AIG1: variants seen among roughly 807,000 people sequenced by gnomAD.
AIG1 encodes the protein androgen-induced gene 1 protein.
AIG1 carries 23 observed loss-of-function variants against 31.4 expected under a neutral mutation model. The observed-to-expected ratio is 0.73, with a 90% CI of 0.53 to 1.04. The LOEUF is 1.04. Among genes scored for constraint, AIG1 ranks in the 50% least tolerant of loss-of-function variants. AIG1 has a pLI of 0.00. For synonymous variants in AIG1, 100 were observed against 110.5 expected (o/e 0.90, Z 0.60); for missense variants, 274 against 295.0 (o/e 0.93, Z 0.52).
chr6:143,319,700 C>T (rs1355496701), intron 4 of AIG1, among the ~76,000 whole-genome samples: 1 of 151,816 alleles, frequency 6.6e-6, no homozygotes, highest in African/African-American at 2.4e-5. Context: ...TAAACAACAT[C>T]AACAAGCCCC....
At chr6:143,249,866 A>T (rs1794892633) in intron 3 of AIG1, among the ~76,000 whole-genome samples, 1 of 152,208 alleles carries the variant, frequency 6.6e-6, no homozygotes, top group Non-Finnish European at 1.5e-5. Flanking sequence ...TTGGGCATGT[A>T]GTGAATCAAG....
At chr6:143,121,643 A>G (rs1782252451) in intron 1 of AIG1, among the ~76,000 whole-genome samples, 2 of 152,198 alleles carry the variant, frequency 1.3e-5, no homozygotes, top group African/African-American at 4.8e-5. Flanking sequence ...TTCTCTGACA[A>G]CTGGTAGAAG....
chr6:143,121,295 A>G (rs1009448933), intron 1 of AIG1, among the ~76,000 whole-genome samples: 4 of 152,200 alleles, frequency 2.6e-5, no homozygotes, highest in Admixed American at 1.3e-4. Flanking sequence ...TTGTTTGCCC[A>G]GTATGTCTTC....
chr6:143,216,327 C>G (rs1285276044), intron 3 of AIG1, among the ~76,000 whole-genome samples: 2 of 152,092 alleles, frequency 1.3e-5, no homozygotes, highest in Admixed American at 6.5e-5. Flanking sequence ...TTGGAGGATT[C>G]CAGCAGAATA....
intron 3 of AIG1, among the ~76,000 whole-genome samples, chr6:143,191,543 T>C (rs1029928866): frequency 6.6e-6 from 1 of 152,186 alleles, no homozygotes; most frequent in Non-Finnish European, 1.5e-5. Context: ...CCATGAATCC[T>C]ATAAGCAGAA....
rs535593148 is a variant in AIG1, at chr6:143,175,717, A to C, written c.399+10534A>C. ...GATTTTTCCATTCATATCCTGTATC[A>C]ATTTTTGATTTCTTTTAAGTTGGAT... On this transcript the variant is annotated intron_variant, in intron 3 of 5. Coordinates refer to ENST00000357847, the MANE Select transcript of AIG1 (RefSeq NM_016108.4). 1.6e-3 allele frequency among the ~76,000 whole-genome samples: 240 copies of C among 152,028 alleles called. 1 individual carries two copies. Among genetic ancestry groups the C allele is most frequent in the South Asian group, 7.9e-3 (38 of 4,802 alleles).
At chr6:143,091,751 A>C (rs1480657650) in intron 1 of AIG1, among the ~76,000 whole-genome samples, 1 of 152,226 alleles carries the variant, frequency 6.6e-6, no homozygotes, top group East Asian at 1.9e-4. Context: ...TTTTAGTATG[A>C]GAGTACTAAA....
intron 1 of AIG1, among the ~76,000 whole-genome samples, chr6:143,082,489 A>T (rs560713164): frequency 4.5e-4 from 69 of 152,318 alleles, no homozygotes; most frequent in Non-Finnish European, 9.0e-4. Flanking sequence ...CTGGTCCTTC[A>T]AGTAATAGAG....
intron 3 of AIG1, among the ~76,000 whole-genome samples, chr6:143,246,326 C>T (rs1794621515): frequency 6.6e-6 from 1 of 151,888 alleles, no homozygotes; most frequent in Admixed American, 6.6e-5. Context: ...AGGAAGGCCT[C>T]ACAATCATCG....
rs907635555 is a variant in AIG1 at position 143,306,365 on chromosome 6, G to A, written c.515+22140G>A. On this transcript the variant is annotated intron_variant, in intron 4 of 5. Coordinates refer to ENST00000357847, the MANE Select transcript of AIG1 (RefSeq NM_016108.4). ...GCATGATTTTTCAGTGGCTGGTACT[G>A]GTTGTTCCTTTCCATGTTTAGTGCT... Among the ~76,000 whole-genome samples the A allele has an allele frequency of 3.9e-5, 6 of 152,240 alleles. No homozygotes were observed. The Middle Eastern group carries it at 0.01, about 259-fold the overall frequency.
intron 1 of AIG1, among the ~76,000 whole-genome samples, chr6:143,069,924 C>T (rs1057082312): frequency 1.3e-5 from 2 of 152,074 alleles, no homozygotes; most frequent in South Asian, 2.1e-4. Flanking sequence ...TTCCCTGCAC[C>T]GTGTCTTGAA....
intron 3 of AIG1, among the ~76,000 whole-genome samples, chr6:143,171,988 A>G (rs1343536596): frequency 6.6e-6 from 1 of 151,956 alleles, no homozygotes; most frequent in Non-Finnish European, 1.5e-5. Flanking sequence ...TCCTTTGAGA[A>G]TTGTCCATTC....
intron 1 of AIG1, among the ~76,000 whole-genome samples, chr6:143,136,113 T>G (rs960986955): frequency 4.6e-5 from 7 of 152,016 alleles, no homozygotes; most frequent in East Asian, 1.9e-4. Flanking sequence ...GTAGTTTTTT[T>G]GGGGGGGCGG....
chr6:143,318,088 A>G (rs752901959), intron 4 of AIG1, among the ~76,000 whole-genome samples: 21 of 152,286 alleles, frequency 1.4e-4, no homozygotes, highest in Admixed American at 3.3e-4. Flanking sequence ...CAATCTATAA[A>G]TTCAAGGCAA....
At position 143,176,853 on chromosome 6, in the gene AIG1, C is replaced by T. The variant is rs560418049; in HGVS notation, c.399+11670C>T. Among the ~76,000 whole-genome samples the T allele has an allele frequency of 2.6e-5, 4 of 152,342 alleles. No homozygotes were observed. In the East Asian group the frequency reaches 7.7e-4, roughly 29 times the overall value. On this transcript the variant is annotated intron_variant, in intron 3 of 5. Coordinates refer to ENST00000357847, the MANE Select transcript of AIG1 (RefSeq NM_016108.4). Reference sequence around the variant, plus strand: ...TCCCACAGGGCCTGCAGCGGCAATCCGCCTCCTTCAAAGGGTCTGTGGTTT... The same window carrying T: ...TCCCACAGGGCCTGCAGCGGCAATCTGCCTCCTTCAAAGGGTCTGTGGTTT...
intron 1 of AIG1, among the ~76,000 whole-genome samples, chr6:143,076,960 C>T (rs778057355): frequency 1.3e-5 from 2 of 152,116 alleles, no homozygotes; most frequent in Non-Finnish European, 2.9e-5. Context: ...TGTGAGCGAC[C>T]GTGCCCGGCC....
chr6:143,334,907 T>C lies in AIG1; in HGVS notation c.679+1462T>C. On this transcript the variant is annotated intron_variant, in intron 5 of 5. Transcript: ENST00000357847. The surrounding 1 kb of genome is among the most constrained non-coding windows in gnomAD (Gnocchi z 5.1). The stretch of plus-strand genomic sequence containing the variant: ...CTAGAGAGAAATATCCACTCTACAT[T>C]AATAGAATACTGCTTTTTAGCAGCT... 2.1e-6 allele frequency: 1 copy of C among 473,262 alleles called. No individual in the cohort carries two copies. The highest frequency in any genetic ancestry group is 3.6e-5 in the East Asian group (1 of 28,130). The allele number at this position is 473,262 out of a possible 1,614,324, so 29.3% of individuals were successfully genotyped here.
Position 143,061,039 on chromosome 6 carries a change from C to G in AIG1, c.114C>G (p.Ser38Arg). The G allele has an allele frequency of 6.2e-7, 1 of 1,613,334 alleles. No homozygotes were observed. The highest frequency in any genetic ancestry group is 8.5e-7 in the Non-Finnish European group (1 of 1,179,650). ...EMPSHQTYGG[S>R]WKFLTFIDLV... is the part of the protein sequence containing the mutation. Reference sequence around the variant, plus strand: ...CCTCACACCAGACCTACGGAGGGAGCTGGAAATTCCTGACGTTCATTGATC... The same window carrying G: ...CCTCACACCAGACCTACGGAGGGAGGTGGAAATTCCTGACGTTCATTGATC... The change falls in exon 1 of 6, where the codon AGC (serine) becomes AGG (arginine). Residue 38 changes from serine (S) to arginine (R), a missense_variant. Around this residue, in one of 2 missense-constraint regions of AIG1, gnomAD observed 243 missense variants for 238.5 expected, o/e 1.02. Coordinates refer to ENST00000357847, the MANE Select transcript of AIG1 (RefSeq NM_016108.4).
chr6:143,094,030 C>T (rs973286317), intron 1 of AIG1: 1 of 152,180 alleles, frequency 6.6e-6, no homozygotes, highest in African/African-American at 2.4e-5. Flanking sequence ...AGGAAGTAAG[C>T]ATATGCTGTT....
Sources: allele counts gnomAD v4.1 joint callset (sites outside exome capture counted in the v4.1 genomes callset), GRCh38; gene constraint gnomAD v4.1.1; regional missense constraint gnomAD v4.1.1; non-coding constraint Gnocchi (gnomAD v3.1); transcripts MANE v1.5; gene names NCBI Gene and HGNC (gene_info 2026-07-23, HGNC 2026-07-21).